The following PRELID2 variants were observed in gnomAD, a reference collection of about 807,000 sequenced individuals.
The protein encoded by PRELID2 is PRELI domain containing 2, also known as PRELI domain-containing protein 2.
Under a neutral mutation model 28.4 loss-of-function variants are expected in PRELID2, and 25 were observed. That is an observed-to-expected ratio of 0.88 (90% CI 0.64 to 1.23). The LOEUF is 1.23. Among genes scored for constraint, PRELID2 ranks in the 50% most tolerant of loss-of-function variants. The probability of loss-of-function intolerance (pLI) is 0.00; values close to 1 mark genes in which losing one functional copy is unlikely to be tolerated. For missense variants in PRELID2, 201 were observed against 214.4 expected (o/e 0.94, Z 0.39); for synonymous variants, 76 against 71.6 (o/e 1.06, Z -0.31).
chr5:145,553,356 A>G (rs1056597232), intron 1 of PRELID2, among the ~76,000 whole-genome samples: 1 of 152,126 alleles, frequency 6.6e-6, no homozygotes, highest in Admixed American at 6.5e-5. Flanking sequence ...GAGGCGGTTC[A>G]GTGTGACTTC....
chr5:145,525,024 AT>A (rs1207378862), intron 1 of PRELID2, among the ~76,000 whole-genome samples: 3 of 152,216 alleles, frequency 2.0e-5, no homozygotes, highest in Admixed American at 6.5e-5. Flanking sequence ...GCTAATATCA[AT>A]ACTAATATTA....
intron 1 of PRELID2, among the ~76,000 whole-genome samples, chr5:145,680,949 T>C (rs1408792327): frequency 6.6e-6 from 1 of 152,212 alleles, no homozygotes; most frequent in Non-Finnish European, 1.5e-5. Context: ...TCTGACAGCC[T>C]GTATCCAGCC....
chr5:145,248,808 A>T, the PRELID2 span, among the ~76,000 whole-genome samples: 1 of 152,054 alleles, frequency 6.6e-6, no homozygotes, highest in Admixed American at 6.6e-5. Context: ...AAAAGAAAAA[A>T]ATCACGTAAG....
At position 145,476,320 on chromosome 5, in the gene PRELID2, C is replaced by T. The variant is rs532352161; in HGVS notation, n.71-3005G>A. ...AATATGCAGAAAATTATGTGACATGCGTAAAGTAGAAGAAGATAAATTTGA... is the reference window on the plus strand; with the variant it reads ...AATATGCAGAAAATTATGTGACATGTGTAAAGTAGAAGAAGATAAATTTGA... On this transcript the variant is annotated intron_variant and non_coding_transcript_variant, in intron 1 of 2. Transcript: ENST00000510259. Among the ~76,000 whole-genome samples the T allele has an allele frequency of 3.9e-5, 6 of 152,236 alleles. 1 individual carries two copies. The highest frequency in any genetic ancestry group is 1.4e-4 in the African/African-American group (6 of 41,526).
Position 145,703,668 on chromosome 5 carries a change from G to A in PRELID2, n.70+61263C>T, listed in dbSNP as rs577620898. On this transcript the variant is annotated intron_variant and non_coding_transcript_variant, in intron 1 of 2. Transcript: ENST00000510259. Reference sequence around the variant, plus strand: ...TTACAGTCTAATCCTTGAACTTTGTGACAGATCAACTCCACACCAAAATCA... The same window carrying A: ...TTACAGTCTAATCCTTGAACTTTGTAACAGATCAACTCCACACCAAAATCA... Among the ~76,000 whole-genome samples the A allele has an allele frequency of 3.3e-5, 5 of 152,274 alleles. No individual in the cohort carries two copies. In the East Asian group the frequency reaches 7.7e-4, roughly 23 times the overall value.
the PRELID2 span, among the ~76,000 whole-genome samples, chr5:145,422,250 C>T: frequency 2.1e-4 from 32 of 150,412 alleles, no homozygotes; most frequent in East Asian, 5.8e-4. Context: ...CTATTAGGTC[C>T]GCTTGGTGCA....
the PRELID2 span, among the ~76,000 whole-genome samples, chr5:145,410,613 T>C: frequency 3.2e-4 from 48 of 152,170 alleles, no homozygotes; most frequent in South Asian, 9.3e-3. Flanking sequence ...TATAAAACCA[T>C]CAGATCTCAT....
In PRELID2 at chr5:145,757,143, A is replaced by G. The variant is rs879698518; in HGVS notation, c.*3393T>C. Reference sequence around the variant, plus strand: ...AGAATAACCTTGAGTTTTCTACACCATGCACCGCACAATGTCTGATAAACA... The same window carrying G: ...AGAATAACCTTGAGTTTTCTACACCGTGCACCGCACAATGTCTGATAAACA... On this transcript the variant is annotated 3_prime_UTR_variant, in exon 7 of 7. Transcript: ENST00000683046. 2.6e-5 allele frequency among the ~76,000 whole-genome samples: 4 copies of G among 152,264 alleles called. 1 individual carries two copies. Among genetic ancestry groups the G allele is most frequent in the African/African-American group, 7.2e-5 (3 of 41,474 alleles).
chr5:145,512,126 T>C (rs1005355608), intron 1 of PRELID2, among the ~76,000 whole-genome samples: 1 of 152,100 alleles, frequency 6.6e-6, no homozygotes, highest in African/African-American at 2.4e-5. Context: ...ATAAATTTTG[T>C]AGATGAAAGC....
the PRELID2 span, among the ~76,000 whole-genome samples, chr5:145,377,857 G>A: frequency 8.6e-5 from 13 of 152,034 alleles, no homozygotes; most frequent in Non-Finnish European, 1.5e-4. Flanking sequence ...TTACATTCAA[G>A]GCTAGTATTG....
intron 1 of PRELID2, among the ~76,000 whole-genome samples, chr5:145,665,445 C>A (rs1371073764): frequency 2.6e-5 from 4 of 152,074 alleles, no homozygotes; most frequent in African/African-American, 9.7e-5. Flanking sequence ...TTACTCAATG[C>A]CATAGCCTCT....
chr5:145,271,662 G>T, the PRELID2 span, among the ~76,000 whole-genome samples: 34 of 152,124 alleles, frequency 2.2e-4, no homozygotes, highest in African/African-American at 8.2e-4. Context: ...CCACTGTTTT[G>T]CCCTCCTTCC....
At chr5:145,491,913 T>A (rs534657557) in intron 1 of PRELID2, among the ~76,000 whole-genome samples, 3 of 152,200 alleles carry the variant, frequency 2.0e-5, no homozygotes, top group Non-Finnish European at 4.4e-5. Context: ...CCAGTTTGTA[T>A]ATATACCACA....
At chr5:145,263,616 A>C in the PRELID2 span, among the ~76,000 whole-genome samples, 4 of 152,038 alleles carry the variant, frequency 2.6e-5, no homozygotes, top group South Asian at 2.1e-4. Context: ...AAGAGGGAGG[A>C]TCCAAAGAAG....
chr5:145,794,263 T>A (rs1228629119), intron 5 of PRELID2, among the ~76,000 whole-genome samples: 2 of 152,130 alleles, frequency 1.3e-5, no homozygotes, highest in Non-Finnish European at 2.9e-5. Flanking sequence ...CAGTTCCCAG[T>A]GAAGACCTTT....
intron 1 of PRELID2, among the ~76,000 whole-genome samples, chr5:145,549,604 C>T (rs1752816051): frequency 6.6e-6 from 1 of 151,444 alleles, no homozygotes; most frequent in Admixed American, 6.6e-5. Context: ...ATCATCCTGG[C>T]TAACAAAGTG....
At chr5:145,711,766 G>A (rs1158314699) in intron 1 of PRELID2, among the ~76,000 whole-genome samples, 1 of 152,092 alleles carries the variant, frequency 6.6e-6, no homozygotes, top group Non-Finnish European at 1.5e-5. Context: ...AGGACTGAGA[G>A]AAATTGCTCA....
the PRELID2 span, among the ~76,000 whole-genome samples, chr5:145,248,090 A>T: frequency 1.3e-5 from 2 of 152,126 alleles, no homozygotes; most frequent in African/African-American, 4.8e-5. Flanking sequence ...TTTGATAGAT[A>T]ATAATAAAAT....
chr5:145,528,170 T>C (rs1752624839), intron 1 of PRELID2, among the ~76,000 whole-genome samples: 1 of 152,164 alleles, frequency 6.6e-6, no homozygotes, highest in East Asian at 1.9e-4. Context: ...AGCTCATAGA[T>C]AGCTCAACAC....
Sources: gnomAD v4.1 joint callset for allele counts (sites outside exome capture counted in the v4.1 genomes callset) on GRCh38, gnomAD v4.1.1 for gene constraint, MANE v1.5 for transcripts, NCBI Gene and HGNC (gene_info 2026-07-23, HGNC 2026-07-21) for gene names.